Variants in ANKS1B observed in about 807,000 individuals in gnomAD.
The protein encoded by ANKS1B is ankyrin repeat and sterile alpha motif domain containing 1B.
ANKS1B carries 36 observed loss-of-function variants against 148.3 expected under a neutral mutation model. The ratio of observed to expected loss-of-function variants is 0.24; its 90% CI spans 0.19 to 0.32. The LOEUF (loss-of-function observed/expected upper bound fraction) is 0.32, where lower values mean the gene tolerates loss of function less well. ANKS1B is among the 10% of genes least tolerant of loss of function. The pLI, the probability that ANKS1B is intolerant of heterozygous loss-of-function variation, is 1.00. For synonymous variants in ANKS1B, 542 were observed against 560.8 expected, an observed-to-expected ratio of 0.97 and a Z score of 0.47; for missense variants, 1,157 against 1,542.6, an observed-to-expected ratio of 0.75 and a Z score of 4.19.
intron 9 of ANKS1B, among the ~76,000 whole-genome samples, chr12:99,523,469 G>A (rs2096895156): frequency 6.6e-6 from 1 of 151,690 alleles, no homozygotes; most frequent in South Asian, 2.1e-4. Context: ...GAGCTTTGCA[G>A]TATAAAACTG....
At chr12:99,236,479 C>T (rs1349277988) in intron 14 of ANKS1B, among the ~76,000 whole-genome samples, 1 of 152,146 alleles carries the variant, frequency 6.6e-6, no homozygotes, top group Admixed American at 6.6e-5. Context: ...AATTGCCACA[C>T]TCTAAGACCA....
intron 15 of ANKS1B, among the ~76,000 whole-genome samples, chr12:99,145,485 CA>C (rs1443197222): frequency 1.3e-5 from 2 of 152,010 alleles, no homozygotes; most frequent in African/African-American, 4.8e-5. Flanking sequence ...CCTTGATTAG[CA>C]ATCGCGAGGA....
chr12:99,051,181 GA>G (rs1480841371), intron 17 of ANKS1B, among the ~76,000 whole-genome samples: 25 of 152,184 alleles, frequency 1.6e-4, no homozygotes, highest in Admixed American at 1.6e-3. Flanking sequence ...CGGCACTGGG[GA>G]AAGTGAGTGC....
chr12:99,047,752 G>A (rs2099963448), intron 17 of ANKS1B, among the ~76,000 whole-genome samples: 1 of 152,152 alleles, frequency 6.6e-6, no homozygotes, highest in African/African-American at 2.4e-5. Flanking sequence ...GCAAAATGAA[G>A]TATTTTTCAG....
chr12:98,894,822 G>C (rs1014679404), intron 17 of ANKS1B: 175 of 983,038 alleles, frequency 1.8e-4, no homozygotes, highest in Non-Finnish European at 2.0e-4. Context: ...GAGGCGCGGA[G>C]CTTGGCCGCG....
chr12:99,184,538 C>A (rs1435751116), intron 14 of ANKS1B, among the ~76,000 whole-genome samples: 1 of 152,206 alleles, frequency 6.6e-6, no homozygotes, highest in South Asian at 2.1e-4. Flanking sequence ...GTGACCTTAG[C>A]TATCTTGTCT....
At position 99,211,833 on chromosome 12, in the gene ANKS1B, C is replaced by T. The variant is rs1009141970; in HGVS notation, c.2419+32509G>A. On this transcript the variant is annotated intron_variant, in intron 14 of 26. Transcript: ENST00000683438. The stretch of plus-strand genomic sequence containing the variant: ...CCTGGAGCTCCTTTGCCTTGTTATT[C>T]TTCTTTTCCTGGGGGATTAGCAACC... Among the ~76,000 whole-genome samples, 6 of 152,168 alleles carry T rather than the reference C, an allele frequency of 3.9e-5. No individual in the cohort carries two copies. In the East Asian group the frequency reaches 1.2e-3, roughly 29 times the overall value.
At chr12:99,972,702 C>A (rs900415080) in intron 1 of ANKS1B, among the ~76,000 whole-genome samples, 1 of 152,146 alleles carries the variant, frequency 6.6e-6, no homozygotes, top group African/African-American at 2.4e-5. Context: ...GAAGATCTAG[C>A]TAAGATAATT....
At chr12:99,258,276 A>G (rs1371512787) in intron 12 of ANKS1B, among the ~76,000 whole-genome samples, 1 of 152,016 alleles carries the variant, frequency 6.6e-6, no homozygotes, top group Non-Finnish European at 1.5e-5. Flanking sequence ...TGTATAAACG[A>G]AGAACAAGCT....
chr12:99,603,568 T>G (rs1303542433), intron 9 of ANKS1B, among the ~76,000 whole-genome samples: 1 of 152,104 alleles, frequency 6.6e-6, no homozygotes, highest in Non-Finnish European at 1.5e-5. Context: ...AATTGTGTCA[T>G]GTTACAAGGA....
chr12:98,814,908 G>C (rs536217193), intron 19 of ANKS1B, among the ~76,000 whole-genome samples: 1 of 152,244 alleles, frequency 6.6e-6, no homozygotes, highest in East Asian at 1.9e-4. Context: ...TCTTAGCTCT[G>C]GAAATGTTTT....
intron 17 of ANKS1B, among the ~76,000 whole-genome samples, chr12:99,051,589 A>ACCAAAAAGCAATACTGTTTC (rs2099966127): frequency 6.6e-6 from 1 of 152,358 alleles, no homozygotes; most frequent in Non-Finnish European, 1.5e-5. Flanking sequence ...GCCTGCTGCG[A>ACCAAAAAGCAATACTGTTTC]CCAAAAAGCA....
chr12:99,020,250 A>AT (rs893456468), intron 17 of ANKS1B, among the ~76,000 whole-genome samples: 2 of 151,676 alleles, frequency 1.3e-5, no homozygotes, highest in African/African-American at 4.8e-5. Context: ...CCAACTTCCT[A>AT]TTTTTCCCTT....
intron 1 of ANKS1B, among the ~76,000 whole-genome samples, chr12:99,983,212 G>A (rs1437885806): frequency 6.6e-6 from 1 of 152,112 alleles, no homozygotes; most frequent in South Asian, 2.1e-4. Flanking sequence ...CCCTTGAATT[G>A]TATCTAGTGA....
At chr12:99,507,376 A>T (rs1159940452) in intron 9 of ANKS1B, among the ~76,000 whole-genome samples, 1 of 151,938 alleles carries the variant, frequency 6.6e-6, no homozygotes, top group East Asian at 1.9e-4. Flanking sequence ...AGCATGGGTT[A>T]ATTTGCTTTC....
chr12:99,500,419 T>C (rs1379419024), intron 10 of ANKS1B, among the ~76,000 whole-genome samples: 2 of 152,196 alleles, frequency 1.3e-5, no homozygotes, highest in Non-Finnish European at 2.9e-5. Flanking sequence ...TACTGGTACA[T>C]AGCCAACACT....
At chr12:99,358,054 T>A (rs1295369978) in intron 12 of ANKS1B, among the ~76,000 whole-genome samples, 1 of 152,108 alleles carries the variant, frequency 6.6e-6, no homozygotes, top group Non-Finnish European at 1.5e-5. Context: ...AACATAAGGA[T>A]GTTTTTCTTA....
chr12:99,598,198 A>T (rs1292444554), intron 9 of ANKS1B, among the ~76,000 whole-genome samples: 2 of 152,080 alleles, frequency 1.3e-5, no homozygotes, highest in Non-Finnish European at 2.9e-5. Flanking sequence ...GAACACAGGA[A>T]TAGGCATTGT....
At chr12:98,995,643 G>A (rs1051052904) in intron 17 of ANKS1B, among the ~76,000 whole-genome samples, 1 of 152,120 alleles carries the variant, frequency 6.6e-6, no homozygotes, top group African/African-American at 2.4e-5. Context: ...ACCATCCAAT[G>A]TAGAACAACT....
Sources: gnomAD v4.1 joint callset for allele counts (sites outside exome capture counted in the v4.1 genomes callset) on GRCh38, gnomAD v4.1.1 for gene constraint, MANE v1.5 for transcripts, NCBI Gene and HGNC (gene_info 2026-07-23, HGNC 2026-07-21) for gene names.